ADAMTSL3: variants seen among roughly 807,000 people sequenced by gnomAD.
ADAMTSL3 encodes ADAMTS like 3.
ADAMTSL3 carries 128 observed loss-of-function variants against 201.7 expected under a neutral mutation model. That is an observed-to-expected ratio of 0.63 (90% CI 0.55 to 0.73). The LOEUF (loss-of-function observed/expected upper bound fraction) is 0.73, where lower values mean the gene tolerates loss of function less well. Among genes scored for constraint, ADAMTSL3 ranks in the 30% least tolerant of loss-of-function variants. The probability of loss-of-function intolerance (pLI) is 0.00; values close to 1 mark genes in which losing one functional copy is unlikely to be tolerated. For synonymous variants in ADAMTSL3, 738 were observed against 748.4 expected (o/e 0.99, Z 0.23); for missense variants, 1,990 against 2,119.6 (o/e 0.94, Z 1.20).
intron 15 of ADAMTSL3, among the ~76,000 whole-genome samples, chr15:83,905,228 G>A (rs1410504742): frequency 1.3e-5 from 2 of 152,204 alleles, no homozygotes; most frequent in East Asian, 1.9e-4. Flanking sequence ...GGAGTAGACA[G>A]AGAAGTGAGT....
chr15:83,843,032 G>A (rs60744713), intron 7 of ADAMTSL3, among the ~76,000 whole-genome samples: 2,477 of 152,210 alleles, frequency 0.016, 75 homozygotes, highest in African/African-American at 0.055. Context: ...GAAATGCAAG[G>A]TAGTTCATTA....
chr15:83,809,825 A>G (rs2063663629), intron 5 of ADAMTSL3, among the ~76,000 whole-genome samples: 1 of 152,106 alleles, frequency 6.6e-6, no homozygotes. Context: ...GGCTGTAACT[A>G]ATTTATTTTA....
chr15:83,874,643 A>T (rs1342986303), intron 9 of ADAMTSL3, among the ~76,000 whole-genome samples: 1 of 143,494 alleles, frequency 7.0e-6, no homozygotes, highest in African/African-American at 2.7e-5. Flanking sequence ...AATAAAGCCG[A>T]TGGTCTCCCT....
intron 3 of ADAMTSL3, among the ~76,000 whole-genome samples, chr15:83,748,734 A>G (rs2062591928): frequency 6.6e-6 from 1 of 151,944 alleles, no homozygotes; most frequent in South Asian, 2.1e-4. Flanking sequence ...CACAGCATGC[A>G]TTTGTGACTT....
chr15:83,657,679 G>A (rs1246901599), intron 2 of ADAMTSL3, among the ~76,000 whole-genome samples: 1 of 152,232 alleles, frequency 6.6e-6, no homozygotes, highest in African/African-American at 2.4e-5. Flanking sequence ...GCTGCTGCTT[G>A]TCAGCATTAG....
chr15:83,673,988 AT>A (rs767112959), intron 2 of ADAMTSL3, among the ~76,000 whole-genome samples: 3 of 146,226 alleles, frequency 2.1e-5, no homozygotes, highest in Non-Finnish European at 4.5e-5. Context: ...GTTTGTAAAT[AT>A]TTTCTCCCAG....
intron 4 of ADAMTSL3, 37 bp from the exon 5 acceptor site, chr15:83,804,613 T>A: frequency 2.6e-5 from 29 of 1,119,686 alleles, no homozygotes; most frequent in Non-Finnish European, 3.6e-5. Flanking sequence ...TTCTATGAAA[T>A]CATTATTTCT....
intron 3 of ADAMTSL3, among the ~76,000 whole-genome samples, chr15:83,752,645 T>A (rs2062655831): frequency 6.6e-6 from 1 of 152,216 alleles, no homozygotes; most frequent in Non-Finnish European, 1.5e-5. Context: ...ATTTGCAATA[T>A]CTAATATAGT....
chr15:83,708,839 G>T (rs1272156557), intron 3 of ADAMTSL3, among the ~76,000 whole-genome samples: 1 of 152,190 alleles, frequency 6.6e-6, no homozygotes, highest in Non-Finnish European at 1.5e-5. Flanking sequence ...CAGTTTTACA[G>T]CTGGTGGAGA....
intron 4 of ADAMTSL3, among the ~76,000 whole-genome samples, chr15:83,804,428 G>T (rs563464447): frequency 6.6e-6 from 1 of 152,222 alleles, no homozygotes; most frequent in East Asian, 1.9e-4. Context: ...ATTAACTAAA[G>T]AATTCATTCT....
intron 27 of ADAMTSL3, 126 bp from the exon 28 acceptor site, chr15:84,031,208 CT>C (rs1175035807): frequency 5.7e-6 from 5 of 877,302 alleles, no homozygotes; most frequent in Admixed American, 3.7e-5. Context: ...TAACTCCCCC[CT>C]GGGGACAGTT....
chr15:83,948,012 T>C (rs977202846), intron 19 of ADAMTSL3, among the ~76,000 whole-genome samples: 1 of 152,192 alleles, frequency 6.6e-6, no homozygotes, highest in African/African-American at 2.4e-5. Context: ...CCTCCTATAT[T>C]GTTATTCGTA....
intron 8 of ADAMTSL3, among the ~76,000 whole-genome samples, chr15:83,865,099 C>T (rs1345742537): frequency 1.3e-5 from 2 of 152,026 alleles, no homozygotes; most frequent in African/African-American, 4.8e-5. Context: ...AACCATTCCT[C>T]AATGAAATAA....
chr15:83,938,436 A>G (rs2066498522), intron 17 of ADAMTSL3, among the ~76,000 whole-genome samples: 1 of 152,256 alleles, frequency 6.6e-6, no homozygotes, highest in African/African-American at 2.4e-5. Context: ...AAAAACGCCT[A>G]GAACTAGGCT....
chr15:83,700,426 G>A (rs2061755851), intron 2 of ADAMTSL3, among the ~76,000 whole-genome samples: 1 of 152,176 alleles, frequency 6.6e-6, no homozygotes, highest in Non-Finnish European at 1.5e-5. Flanking sequence ...TTTAAAATAA[G>A]GAGTTTGACC....
chr15:83,937,549 C>G (rs2066482057), intron 17 of ADAMTSL3, among the ~76,000 whole-genome samples: 1 of 150,714 alleles, frequency 6.6e-6, no homozygotes, highest in African/African-American at 2.5e-5. Flanking sequence ...GAAAAAGTAC[C>G]TACCAGGTAC....
intron 15 of ADAMTSL3, 43 bp from the exon 16 acceptor site, chr15:83,913,049 G>A (rs2065960798): frequency 1.3e-6 from 2 of 1,586,398 alleles, no homozygotes; most frequent in Non-Finnish European, 1.7e-6. Context: ...TATATTTAAT[G>A]ACCCTCAGTG....
chr15:83,687,442 C>T lies in ADAMTSL3; in HGVS notation c.70-16947C>T, dbSNP rs185279516. 4.6e-5 allele frequency among the ~76,000 whole-genome samples: 7 copies of T among 152,256 alleles called. No homozygotes were observed. In the East Asian group the frequency reaches 7.7e-4, roughly 17 times the overall value. On this transcript the variant is annotated intron_variant, in intron 2 of 29. Coordinates refer to ENST00000286744, the MANE Select transcript of ADAMTSL3 (RefSeq NM_207517.3). The stretch of plus-strand genomic sequence containing the variant: ...CTGCATTTAGAATGTATGATAGCCA[C>T]GTGTGTCTACTGGCTACTCTACTGA...
At chr15:83,831,591 C>G (rs191021033) in intron 6 of ADAMTSL3, among the ~76,000 whole-genome samples, 11 of 152,258 alleles carry the variant, frequency 7.2e-5, no homozygotes, top group African/African-American at 2.4e-4. Flanking sequence ...TGCAGTGGTG[C>G]TATCATGGCT....
Sources: gnomAD v4.1 joint callset for allele counts (sites outside exome capture counted in the v4.1 genomes callset) on GRCh38, gnomAD v4.1.1 for gene constraint, MANE v1.5 for transcripts, NCBI Gene and HGNC (gene_info 2026-07-23, HGNC 2026-07-21) for gene names.